Variants in GPATCH2 observed in about 807,000 individuals in gnomAD.
GPATCH2 encodes the protein G patch domain-containing protein 2.
In GPATCH2, 51 loss-of-function variants were observed where a neutral mutation model predicts 58.0. The ratio of observed to expected loss-of-function variants is 0.88; its 90% CI spans 0.70 to 1.11. The LOEUF is 1.11. GPATCH2 is among the 50% of genes most tolerant of loss of function. GPATCH2 has a pLI of 0.00. For synonymous variants in GPATCH2, 222 were observed against 218.5 expected (o/e 1.02, Z -0.14); for missense variants, 625 against 652.2 (o/e 0.96, Z 0.45).
In GPATCH2 at chr1:217,620,037, C is replaced by T; in HGVS notation, c.519G>A (p.Gln173=). Residue 173 remains glutamine, a synonymous_variant, in exon 2 of 10, where the codon CAG becomes CAA. Coordinates refer to ENST00000366935, the MANE Select transcript of GPATCH2 (RefSeq NM_018040.5). ...KVKRMAVDLP[Q]DISNKRTMTQ... ...TCATTGTCCGTTTGTTAGAGATGTC[C>T]TGTGGGAGATCTACTGCCATGCGTT... The T allele has an allele frequency of 6.2e-7, 1 of 1,614,032 alleles. No individual in the cohort carries two copies. Among genetic ancestry groups the T allele is most frequent in the Non-Finnish European group, 8.5e-7 (1 of 1,179,980 alleles).
chr1:217,621,508 A>G (rs978030851), intron 1 of GPATCH2, among the ~76,000 whole-genome samples: 2 of 152,194 alleles, frequency 1.3e-5, no homozygotes, highest in Admixed American at 6.5e-5. Context: ...CTGCTAGTAA[A>G]TATTCTAGGC....
At chr1:217,547,308 A>G (rs1198912375) in intron 5 of GPATCH2, among the ~76,000 whole-genome samples, 1 of 151,968 alleles carries the variant, frequency 6.6e-6, no homozygotes, top group African/African-American at 2.4e-5. Context: ...GGTTGCAGTG[A>G]GCAGAGATCG....
chr1:217,512,645 A>G (rs1054002285), intron 6 of GPATCH2, among the ~76,000 whole-genome samples: 3 of 152,238 alleles, frequency 2.0e-5, no homozygotes, highest in African/African-American at 7.2e-5. Flanking sequence ...GGAGGCCAGC[A>G]GCATTTGCTG....
At chr1:217,462,002 T>C (rs1191259938) in intron 8 of GPATCH2, among the ~76,000 whole-genome samples, 2 of 152,166 alleles carry the variant, frequency 1.3e-5, no homozygotes, top group African/African-American at 2.4e-5. Context: ...TGTTCAACAA[T>C]TGGGAGGAAG....
chr1:217,443,595 G>A (rs867024766), intron 9 of GPATCH2, among the ~76,000 whole-genome samples: 1 of 151,980 alleles, frequency 6.6e-6, no homozygotes, highest in African/African-American at 2.4e-5. Flanking sequence ...TTATTTTCCT[G>A]AATATTGCAC....
At chr1:217,571,129 G>A (rs772501699) in intron 5 of GPATCH2, among the ~76,000 whole-genome samples, 1 of 152,130 alleles carries the variant, frequency 6.6e-6, no homozygotes, top group Middle Eastern at 3.2e-3. Flanking sequence ...GACCGTGTTA[G>A]GTGACAAAAT....
intron 2 of GPATCH2, among the ~76,000 whole-genome samples, chr1:217,614,774 CA>C (rs11475032): frequency 0.059 from 5,414 of 91,942 alleles, 129 homozygotes; most frequent in African/African-American, 0.1. Flanking sequence ...CACTTTTAAG[CA>C]AAAAAAAAAA....
chr1:217,453,994 C>T (rs1324218883), intron 8 of GPATCH2, among the ~76,000 whole-genome samples: 1 of 152,174 alleles, frequency 6.6e-6, no homozygotes, highest in East Asian at 1.9e-4. Flanking sequence ...AGAAAAATAT[C>T]AGCCTGGACA....
At chr1:217,454,602 A>C (rs1206782806) in intron 8 of GPATCH2, among the ~76,000 whole-genome samples, 2 of 150,350 alleles carry the variant, frequency 1.3e-5, no homozygotes, top group Non-Finnish European at 3.0e-5. Context: ...AAAAAAAAAA[A>C]AAAAAAAACC....
chr1:217,511,850 T>A (rs190663170), intron 6 of GPATCH2, among the ~76,000 whole-genome samples: 66 of 152,206 alleles, frequency 4.3e-4, no homozygotes, highest in African/African-American at 1.4e-3. Flanking sequence ...TTTGTGTCTA[T>A]ACAGCGTTGC....
Position 217,543,521 on chromosome 1 carries a change from G to T in GPATCH2, c.1099-28632C>A, listed in dbSNP as rs376857745. Among the ~76,000 whole-genome samples the T allele has an allele frequency of 3.3e-5, 5 of 151,998 alleles. No homozygotes were observed. In the South Asian group the frequency reaches 8.3e-4, roughly 25 times the overall value. The stretch of plus-strand genomic sequence containing the variant: ...CCTGACCTCGTGATCTGCCCGTCTC[G>T]GCCTCCCAAAGTGTTGGGATTACAG... On this transcript the variant is annotated intron_variant, in intron 5 of 9. Coordinates refer to ENST00000366935, the MANE Select transcript of GPATCH2 (RefSeq NM_018040.5).
In GPATCH2 at chr1:217,559,770, CACA is replaced by C. The variant is rs376764344; in HGVS notation, c.1099-44884_1099-44882del. Reference sequence around the variant, plus strand: ...ATTGAGCTGGGCTAAAGACAGACACCACAACAAGTGAGAGCCCAAAAATGCTTG... The same window carrying C: ...ATTGAGCTGGGCTAAAGACAGACACCACAAGTGAGAGCCCAAAAATGCTTG... On this transcript the variant is annotated intron_variant, in intron 5 of 9. Transcript: ENST00000366935. Among the ~76,000 whole-genome samples, 275 of 152,034 alleles carry C rather than the reference CACA, an allele frequency of 1.8e-3. 1 individual carries two copies. Among genetic ancestry groups the C allele is most frequent in the African/African-American group, 6.5e-3 (268 of 41,456 alleles).
intron 7 of GPATCH2, among the ~76,000 whole-genome samples, chr1:217,495,682 T>A (rs1016934424): frequency 6.6e-6 from 1 of 152,196 alleles, no homozygotes; most frequent in Non-Finnish European, 1.5e-5. Context: ...TATGGTTTTC[T>A]GAAACATTTA....
intron 8 of GPATCH2, among the ~76,000 whole-genome samples, chr1:217,476,063 T>A (rs902978107): frequency 6.7e-6 from 1 of 150,312 alleles, no homozygotes; most frequent in Non-Finnish European, 1.5e-5. Flanking sequence ...TCAAGAGGCG[T>A]CTGATGAGTT....
At chr1:217,596,073 A>C (rs1356689222) in intron 5 of GPATCH2, among the ~76,000 whole-genome samples, 5 of 152,150 alleles carry the variant, frequency 3.3e-5, no homozygotes, top group African/African-American at 1.2e-4. Context: ...GAAAACATTA[A>C]GTGGGGTGAA....
intron 5 of GPATCH2, among the ~76,000 whole-genome samples, chr1:217,579,024 T>C (rs1343101540): frequency 1.3e-5 from 2 of 152,232 alleles, no homozygotes; most frequent in Non-Finnish European, 2.9e-5. Context: ...ATGTACACTT[T>C]GATACTGTGG....
At chr1:217,502,162 C>A (rs1441638202) in intron 6 of GPATCH2, among the ~76,000 whole-genome samples, 7 of 152,056 alleles carry the variant, frequency 4.6e-5, no homozygotes, top group African/African-American at 1.7e-4. Flanking sequence ...ATAATTCCTA[C>A]AACTTTGTTC....
chr1:217,605,907 C>G (rs1043636415), intron 5 of GPATCH2, among the ~76,000 whole-genome samples: 1 of 151,988 alleles, frequency 6.6e-6, no homozygotes, highest in Non-Finnish European at 1.5e-5. Context: ...ATAAGAGATT[C>G]GGGCTGAATC....
At chr1:217,535,964 A>G (rs575317033) in intron 5 of GPATCH2, among the ~76,000 whole-genome samples, 79 of 152,322 alleles carry the variant, frequency 5.2e-4, no homozygotes, top group African/African-American at 1.8e-3. Flanking sequence ...CTGTTTTTGT[A>G]TATGCTAAGA....
Sources: allele counts gnomAD v4.1 joint callset (sites outside exome capture counted in the v4.1 genomes callset), GRCh38; gene constraint gnomAD v4.1.1; transcripts MANE v1.5; gene names NCBI Gene and HGNC (gene_info 2026-07-23, HGNC 2026-07-21).